ITGA1: variants seen among roughly 807,000 people sequenced by gnomAD.
ITGA1 encodes the protein integrin alpha-1.
Under a neutral mutation model 145.9 loss-of-function variants are expected in ITGA1, and 85 were observed. That is an observed-to-expected ratio of 0.58 (90% CI 0.49 to 0.70). The LOEUF (loss-of-function observed/expected upper bound fraction) is 0.70. Ranked by LOEUF, ITGA1 falls within the 30% of genes least tolerant of loss-of-function variation. ITGA1 has a pLI of 0.00. For missense variants in ITGA1, 1,351 were observed against 1,418.7 expected, an observed-to-expected ratio of 0.95 and a Z score of 0.77; for synonymous variants, 520 against 495.3, an observed-to-expected ratio of 1.05 and a Z score of -0.66.
intron 1 of ITGA1, among the ~76,000 whole-genome samples, chr5:52,790,841 C>T (rs1748223671): frequency 6.6e-6 from 1 of 152,226 alleles, no homozygotes. Flanking sequence ...TACCACAACC[C>T]ATAAGCATAA....
chr5:52,863,607 G>A lies in ITGA1; in HGVS notation c.296-1156G>A, dbSNP rs1580068341. Among the ~76,000 whole-genome samples, 3 of 152,134 alleles carry A rather than the reference G, an allele frequency of 2.0e-5. No individual in the cohort carries two copies. The East Asian group carries it at 5.8e-4, about 29-fold the overall frequency. On this transcript the variant is annotated intron_variant, in intron 3 of 28. Coordinates refer to ENST00000282588, the MANE Select transcript of ITGA1 (RefSeq NM_181501.2). ...ACCTTTCTAGTGCCTTCAGGTGATT[G>A]TTTCATGTATTTTTTTTAATTCTTC...
chr5:52,931,235 C>T (rs1248621382), intron 21 of ITGA1: 1 of 152,126 alleles, frequency 6.6e-6, no homozygotes, highest in Non-Finnish European at 1.5e-5. Flanking sequence ...ATCTTAAGCA[C>T]TTTATACTTA....
At chr5:52,889,588 A>AGTGGGGGT (rs1237960204) in intron 8 of ITGA1, 1 of 98,548 alleles carries the variant, frequency 1.0e-5, no homozygotes, top group Non-Finnish European at 2.2e-5. Context: ...GTAGATGTGC[A>AGTGGGGGT]GTGGGGGTGA....
intron 3 of ITGA1, chr5:52,864,071 T>C (rs1749647030): frequency 6.6e-6 from 1 of 152,270 alleles, no homozygotes; most frequent in South Asian, 2.1e-4. Context: ...TATTCCACTC[T>C]ACTAAGCAGA....
chr5:52,905,542 T>G (rs757690620), intron 11 of ITGA1: 4 of 339,206 alleles, frequency 1.2e-5, no homozygotes, highest in Admixed American at 4.4e-5. Flanking sequence ...AAAACTCAGA[T>G]TGGGGGAAAA....
rs2111570035 is a variant in ITGA1, at chr5:52,956,506, G to A, written c.*4055G>A. The A allele has an allele frequency of 6.6e-6, 1 of 152,272 alleles. No individual in the cohort carries two copies. Among genetic ancestry groups the A allele is most frequent in the East Asian group, 1.9e-4 (1 of 5,176 alleles). The allele number at this position is 152,272 out of a possible 1,614,324, so 9.4% of individuals were successfully genotyped here. On this transcript the variant is annotated 3_prime_UTR_variant, in exon 29 of 29. Transcript: ENST00000282588. Reference sequence around the variant, plus strand: ...ATTTGCTCTGAGTACCAGCTTCAGTGACTCAATCATTTATACAGGATTTCA... The same window carrying A: ...ATTTGCTCTGAGTACCAGCTTCAGTAACTCAATCATTTATACAGGATTTCA...
In ITGA1 at chr5:52,954,634, T is replaced by TGTGTGC. The variant is rs1345169504; in HGVS notation, c.*2186_*2187insTGCGTG. 6.6e-6 allele frequency: 1 copy of TGTGTGC among 152,092 alleles called. No individual in the cohort carries two copies. The highest frequency in any genetic ancestry group is 1.5e-5 in the Non-Finnish European group (1 of 68,002). The allele number at this position is 152,092 out of a possible 1,614,324, so 9.4% of individuals were successfully genotyped here. A position where few individuals can be genotyped will look rare whatever the true frequency, so the allele number is the denominator to read the frequency against. On this transcript the variant is annotated 3_prime_UTR_variant, in exon 29 of 29. Coordinates refer to ENST00000282588, the MANE Select transcript of ITGA1 (RefSeq NM_181501.2). ...TTGTTGAGGTTTGTGTGTGTGTGTG[T>TGTGTGC]GTGCATGTGCAGACACATGTACACA...
chr5:52,912,828 G>A (rs890020912), intron 14 of ITGA1, among the ~76,000 whole-genome samples: 4 of 150,298 alleles, frequency 2.7e-5, no homozygotes, highest in Middle Eastern at 3.4e-3. Context: ...CTTACTGCAC[G>A]CTCCACCTCC....
Position 52,905,779 on chromosome 5 carries a change from T to C in ITGA1, c.1326T>C (p.Ser442=). 1 of 1,613,512 alleles carries C rather than the reference T, an allele frequency of 6.2e-7. No homozygotes were observed. The highest frequency in any genetic ancestry group is 1.1e-5 in the South Asian group (1 of 90,944). ...TTTTGTTAGGTTACACTGTAAACTC[T>C]GCTACTGCTTCTTCTGGAGATGTGC... is the stretch of plus-strand genomic sequence containing the variant. ...LASYLGYTVN[S]ATASSGDVLY... Residue 442 remains serine (S), a synonymous_variant, in exon 12 of 29, where the codon TCT becomes TCC. Transcript: ENST00000282588.
intron 1 of ITGA1, among the ~76,000 whole-genome samples, chr5:52,830,342 A>C (rs1353580735): frequency 6.6e-6 from 1 of 152,134 alleles, no homozygotes; most frequent in African/African-American, 2.4e-5. Flanking sequence ...GTACATTCTC[A>C]AATTGTTCCC....
chr5:52,920,987 G>GTT (rs70974477), intron 17 of ITGA1, among the ~76,000 whole-genome samples: 2 of 149,300 alleles, frequency 1.3e-5, no homozygotes, highest in African/African-American at 2.5e-5. Flanking sequence ...TGCTACTTCA[G>GTT]TTTTTTTTTT....
At chr5:52,830,291 AG>A (rs1156573077) in intron 1 of ITGA1, among the ~76,000 whole-genome samples, 1 of 152,046 alleles carries the variant, frequency 6.6e-6, no homozygotes, top group African/African-American at 2.4e-5. Context: ...TTTTTTGGAT[AG>A]TATTCCCTGT....
intron 6 of ITGA1, among the ~76,000 whole-genome samples, chr5:52,878,139 C>A (rs1306822394): frequency 1.3e-5 from 2 of 152,122 alleles, no homozygotes; most frequent in Non-Finnish European, 2.9e-5. Flanking sequence ...TGATGGGGAG[C>A]TGAGGAGGAC....
chr5:52,906,317 G>A (rs1750406486), intron 12 of ITGA1, among the ~76,000 whole-genome samples: 1 of 152,182 alleles, frequency 6.6e-6, no homozygotes, highest in African/African-American at 2.4e-5. Context: ...GGTAGAAAGA[G>A]CAGTGAAAGA....
intron 21 of ITGA1, among the ~76,000 whole-genome samples, chr5:52,930,522 A>C (rs980534664): frequency 6.6e-6 from 1 of 152,152 alleles, no homozygotes; most frequent in Non-Finnish European, 1.5e-5. Flanking sequence ...AAATTATTGT[A>C]ACCTGGGATA....
At chr5:52,952,186 CAAA>C (rs541608561) in intron 28 of ITGA1, among the ~76,000 whole-genome samples, 2 of 130,960 alleles carry the variant, frequency 1.5e-5, no homozygotes. Flanking sequence ...GAGACTGTCT[CAAA>C]AAAAAAAAAG....
chr5:52,882,321 T>C (rs886481929), intron 7 of ITGA1, among the ~76,000 whole-genome samples: 1 of 152,100 alleles, frequency 6.6e-6, no homozygotes, highest in South Asian at 2.1e-4. Context: ...TTAATATTTG[T>C]TTCATTTATT....
rs539182201 is a variant in ITGA1, at chr5:52,883,144, A to G, written c.773+1123A>G. 7.9e-5 allele frequency among the ~76,000 whole-genome samples: 12 copies of G among 152,334 alleles called. No homozygotes were observed. In the East Asian group the frequency reaches 1.7e-3, roughly 22 times the overall value. ...ATCACCTATTGGATCACCAATTTGT[A>G]TACACAAAGAGTGCACATGTTTAGG... On this transcript the variant is annotated intron_variant, in intron 7 of 28. Coordinates refer to ENST00000282588, the MANE Select transcript of ITGA1 (RefSeq NM_181501.2).
At chr5:52,845,400 G>A (rs975434325) in intron 1 of ITGA1, among the ~76,000 whole-genome samples, 1 of 152,046 alleles carries the variant, frequency 6.6e-6, no homozygotes, top group Non-Finnish European at 1.5e-5. Context: ...AACCTTAATA[G>A]GCAGGGCTGC....
Sources: allele counts gnomAD v4.1 joint callset (sites outside exome capture counted in the v4.1 genomes callset), GRCh38; gene constraint gnomAD v4.1.1; transcripts MANE v1.5; gene names NCBI Gene and HGNC (gene_info 2026-07-23, HGNC 2026-07-21).